The following STAT3 variants were observed in gnomAD, a reference collection of about 807,000 sequenced individuals.
STAT3 encodes the protein signal transducer and activator of transcription 3.
STAT3 carries 7 observed loss-of-function variants against 114.3 expected under a neutral mutation model. The ratio of observed to expected loss-of-function variants is 0.06; its 90% CI spans 0.03 to 0.11. The LOEUF is 0.11. Ranked by LOEUF, STAT3 falls within the 10% of genes least tolerant of loss-of-function variation. The pLI is 1.00. For missense variants in STAT3, 364 were observed against 960.9 expected (o/e 0.38, Z 8.21); for synonymous variants, 331 against 354.5 (o/e 0.93, Z 0.74).
intron 1 of STAT3, among the ~76,000 whole-genome samples, chr17:42,350,201 T>G (rs2082878142): frequency 6.6e-6 from 1 of 151,918 alleles, no homozygotes; most frequent in Non-Finnish European, 1.5e-5. Flanking sequence ...CATACTAGAG[T>G]TCTTGATTCT....
intron 6 of STAT3, 60 bp downstream of exon 6, chr17:42,338,667 GTCTT>G: frequency 6.7e-7 from 1 of 1,482,608 alleles, no homozygotes; most frequent in African/African-American, 1.4e-5. Context: ...AGACAAATGA[GTCTT>G]TCAACTCAAC....
At chr17:42,381,624 C>T (rs1030779044) in intron 1 of STAT3, among the ~76,000 whole-genome samples, 3 of 150,568 alleles carry the variant, frequency 2.0e-5, no homozygotes, top group African/African-American at 4.9e-5. Context: ...CCCAGCTACT[C>T]GGGAGGCTGA....
chr17:42,370,265 A>G (rs1395926551), intron 1 of STAT3, among the ~76,000 whole-genome samples: 1 of 139,342 alleles, frequency 7.2e-6, no homozygotes, highest in African/African-American at 2.7e-5. Flanking sequence ...TTTTTTTTTG[A>G]GACAGAGTCT....
At position 42,323,298 on chromosome 17, in the gene STAT3, G is replaced by A. The variant is rs948739783; in HGVS notation, c.1710C>T (p.Asp570=). The change falls in exon 19 of 24, where the codon GAC becomes GAT. Residue 570 remains aspartate (D), a synonymous_variant. Coordinates refer to ENST00000264657, the MANE Select transcript of STAT3 (RefSeq NM_139276.3). ...SFWVWLDNII[D]LVKKYILALW... ...GGGCCAGGATGTACTTTTTCACAAG[G>A]TCAATGATATTGTCCAGCCAGACCC... is the stretch of plus-strand genomic sequence containing the variant. 1 of 1,614,130 alleles carries A rather than the reference G, an allele frequency of 6.2e-7. No homozygotes were observed. The highest frequency in any genetic ancestry group is 1.7e-5 in the Admixed American group (1 of 60,026).
intron 4 of STAT3, among the ~76,000 whole-genome samples, chr17:42,345,036 C>G (rs969506795): frequency 1.3e-5 from 2 of 151,208 alleles, no homozygotes; most frequent in African/African-American, 2.4e-5. Context: ...GAGGCTGAGG[C>G]GGGCGGATCA....
chr17:42,346,401 G>C lies in STAT3; in HGVS notation c.273+168C>G, dbSNP rs184702606. On this transcript the variant is annotated intron_variant, in intron 3 of 23. Coordinates refer to ENST00000264657, the MANE Select transcript of STAT3 (RefSeq NM_139276.3). ...GATTCTCAGGTAATGATGCTCACGG[G>C]TAAGTATACAGAGCTTTGAGAAAGG... 4.6e-5 allele frequency among the ~76,000 whole-genome samples: 7 copies of C among 152,272 alleles called. No individual in the cohort carries two copies. The East Asian group carries it at 1.3e-3, about 29-fold the overall frequency.
chr17:42,358,515 A>C (rs891581209), intron 1 of STAT3, among the ~76,000 whole-genome samples: 6 of 152,214 alleles, frequency 3.9e-5, no homozygotes, highest in Non-Finnish European at 8.8e-5. Flanking sequence ...CTGCCTAAGA[A>C]CAGGTCTGAG....
intron 8 of STAT3, among the ~76,000 whole-genome samples, chr17:42,336,406 C>T (rs2082230230): frequency 6.6e-6 from 1 of 151,962 alleles, no homozygotes; most frequent in Non-Finnish European, 1.5e-5. Context: ...GAGACCAGCC[C>T]AGGCAACAAA....
Position 42,316,015 on chromosome 17 carries a change from T to G in STAT3, c.2258-215A>C, listed in dbSNP as rs1318647916. On this transcript the variant is annotated intron_variant, in intron 23 of 23. Transcript: ENST00000264657. ...CCTTTCTCATTCCCACCTTAACTGATTCCCAGAGCTCCATGTTTACAGAAG... is the reference window on the plus strand; with the variant it reads ...CCTTTCTCATTCCCACCTTAACTGAGTCCCAGAGCTCCATGTTTACAGAAG... 5 of 1,427,544 alleles carry G rather than the reference T, an allele frequency of 3.5e-6. No individual in the cohort carries two copies. The African/African-American group carries it at 5.8e-5, about 16-fold the overall frequency. The allele number at this position is 1,427,544 out of a possible 1,614,324, so 88.4% of individuals were successfully genotyped here.
At chr17:42,367,495 C>T (rs978549520) in intron 1 of STAT3, among the ~76,000 whole-genome samples, 9 of 152,142 alleles carry the variant, frequency 5.9e-5, no homozygotes, top group Admixed American at 3.9e-4. Context: ...TTGCTCACAG[C>T]TGTCCCCTCT....
chr17:42,383,601 T>TA (rs2084922640), intron 1 of STAT3, among the ~76,000 whole-genome samples: 1 of 152,212 alleles, frequency 6.6e-6, no homozygotes, highest in Admixed American at 6.5e-5. Flanking sequence ...ACTTTACGCT[T>TA]ACGTCTTGTA....
At position 42,323,302 on chromosome 17, in the gene STAT3, A is replaced by G; in HGVS notation, c.1706T>C (p.Ile569Thr). Residue 569 changes from isoleucine to threonine, a missense_variant, in exon 19 of 24, where the codon ATT becomes ACT. Around this residue, in one of 5 missense-constraint regions of STAT3, gnomAD observed 294 missense variants for 745.1 expected, o/e 0.39. Transcript: ENST00000264657. ...FSFWVWLDNI[I>T]DLVKKYILAL... is the part of the protein sequence containing the mutation. Reference sequence around the variant, plus strand: ...CAGGATGTACTTTTTCACAAGGTCAATGATATTGTCCAGCCAGACCCAGAA... The same window carrying G: ...CAGGATGTACTTTTTCACAAGGTCAGTGATATTGTCCAGCCAGACCCAGAA... The G allele has an allele frequency of 6.2e-7, 1 of 1,614,188 alleles. No homozygotes were observed. Among genetic ancestry groups the G allele is most frequent in the African/African-American group, 1.3e-5 (1 of 75,028 alleles).
chr17:42,325,890 T>C (rs1428684612), intron 15 of STAT3, among the ~76,000 whole-genome samples: 1 of 152,234 alleles, frequency 6.6e-6, no homozygotes, highest in Non-Finnish European at 1.5e-5. Context: ...GATTTTCATA[T>C]CAAGTTTGCT....
chr17:42,323,781 G>A (rs759051727), intron 17 of STAT3, among the ~76,000 whole-genome samples, 156 bp from the exon 18 acceptor site: 10 of 152,172 alleles, frequency 6.6e-5, no homozygotes, highest in Non-Finnish European at 1.0e-4. Context: ...GTGTGCACAT[G>A]AGGACAAACA....
intron 3 of STAT3, 111 bp from the exon 4 acceptor site, chr17:42,345,768 G>A (rs1351005660): frequency 2.4e-5 from 26 of 1,085,650 alleles, no homozygotes; most frequent in Non-Finnish European, 3.3e-5. Flanking sequence ...TTTATTCTAG[G>A]AAACAACGGA....
At chr17:42,331,354 T>G in intron 11 of STAT3, 118 bp downstream of exon 11, 1 of 969,538 alleles carries the variant, frequency 1.0e-6, no homozygotes, top group African/African-American at 1.7e-5. Context: ...TGAAAACTTT[T>G]GTCCACAAAA....
chr17:42,342,477 T>C (rs1428166119), intron 4 of STAT3, among the ~76,000 whole-genome samples: 2 of 139,110 alleles, frequency 1.4e-5, no homozygotes, highest in Non-Finnish European at 3.1e-5. Context: ...AGTGAGACTC[T>C]GTCTCAAAAG....
intron 14 of STAT3, 152 bp downstream of exon 14, chr17:42,329,258 T>C (rs2081882841): frequency 2.8e-6 from 3 of 1,090,504 alleles, no homozygotes; most frequent in Admixed American, 3.7e-5. Context: ...GGAACTTCTG[T>C]TCATGTCACT....
At chr17:42,365,329 G>A (rs1162674139) in intron 1 of STAT3, among the ~76,000 whole-genome samples, 2 of 152,158 alleles carry the variant, frequency 1.3e-5, no homozygotes, top group Non-Finnish European at 2.9e-5. Context: ...CCAGACATCA[G>A]ATACAGGAGT....
Sources: allele counts gnomAD v4.1 joint callset (sites outside exome capture counted in the v4.1 genomes callset), GRCh38; gene constraint gnomAD v4.1.1; regional missense constraint gnomAD v4.1.1; transcripts MANE v1.5; gene names NCBI Gene and HGNC (gene_info 2026-07-23, HGNC 2026-07-21).